Variants in TRIP10 observed in about 807,000 individuals in gnomAD.
The protein encoded by TRIP10 is cdc42-interacting protein 4.
TRIP10 carries 54 observed loss-of-function variants against 80.9 expected under a neutral mutation model. The ratio of observed to expected loss-of-function variants is 0.67; its 90% confidence interval spans 0.54 to 0.84. The LOEUF is 0.84. TRIP10 is among the 40% of genes least tolerant of loss of function. TRIP10 has a pLI of 0.00. For missense variants in TRIP10, 773 were observed against 815.3 expected, an observed-to-expected ratio of 0.95 and a Z score of 0.63; for synonymous variants, 321 against 307.2, an observed-to-expected ratio of 1.04 and a Z score of -0.47.
At position 6,746,395 on chromosome 19, in the gene TRIP10, A is replaced by T. The variant is rs1969133970; in HGVS notation, c.1153-57A>T. ...GGAGTGAAATATCTCAGACGGGTGCAGAGTCTGGCAGGCTAGACTCCTTGA... is the reference window on the plus strand; with the variant it reads ...GGAGTGAAATATCTCAGACGGGTGCTGAGTCTGGCAGGCTAGACTCCTTGA... On this transcript the variant is annotated intron_variant, in intron 10 of 14. Coordinates refer to ENST00000313244, the MANE Select transcript of TRIP10 (RefSeq NM_001288962.2). This position sits in a 1 kb window ranked among gnomAD's most constrained non-coding sequence, Gnocchi z 6.2. 1 of 1,586,282 alleles carries T rather than the reference A, an allele frequency of 6.3e-7. No homozygotes were observed. Among genetic ancestry groups the T allele is most frequent in the African/African-American group, 1.3e-5 (1 of 74,508 alleles).
Position 6,743,221 on chromosome 19 carries a change from C to T in TRIP10, c.373C>T (p.Gln125Ter), listed in dbSNP as rs374874945. Residue 125 changes from glutamine (Q) to a stop codon, truncating the protein, a stop_gained, in exon 5 of 15, where the codon CAG becomes TAG. Transcript: ENST00000313244. LOFTEE classifies it high-confidence loss of function. ...MHFQEGRRAQ[Q>*]QLENGFKQLE... The stretch of plus-strand genomic sequence containing the variant: ...CTTCCAAGAAGGGCGGCGGGCCCAG[C>T]AGCAGCTGGAAAATGGCTTTAAACA... 5 of 1,613,938 alleles carry T rather than the reference C, an allele frequency of 3.1e-6. No individual in the cohort carries two copies. Among genetic ancestry groups the T allele is most frequent in the Non-Finnish European group, 3.4e-6 (4 of 1,180,032 alleles).
Position 6,744,615 on chromosome 19 carries a change from C to A in TRIP10, c.704C>A (p.Ser235Ter). 2 of 1,613,886 alleles carry A rather than the reference C, an allele frequency of 1.2e-6. No individual in the cohort carries two copies. Among genetic ancestry groups the A allele is most frequent in the Non-Finnish European group, 1.7e-6 (2 of 1,179,898 alleles). The change falls in exon 8 of 15, where the codon TCG becomes TAG. Residue 235 changes from serine to a stop codon, truncating the protein, a stop_gained. Transcript: ENST00000313244. LOFTEE classifies it high-confidence loss of function. The surrounding 1 kb of genome is among the most constrained non-coding windows in gnomAD (Gnocchi z 4.9). ...CTGGGTGCCGGGTATGGGCTCCTGT[C>A]GGAGGCCGAGCTGGAGGTGGTGCCC... ...TRLGAGYGLL[S>*]EAELEVVPII...
chr19:6,747,360 T>C (rs1222208248), intron 11 of TRIP10, among the ~76,000 whole-genome samples: 2 of 152,122 alleles, frequency 1.3e-5, no homozygotes, highest in African/African-American at 4.8e-5. Context: ...TCTTGTCTTA[T>C]ACAAGTCATT....
At chr19:6,741,371 C>G in intron 3 of TRIP10, 90 bp downstream of exon 3, 1 of 1,434,452 alleles carries the variant, frequency 7.0e-7, no homozygotes, top group East Asian at 2.5e-5. Flanking sequence ...GACACCCCAC[C>G]GCTCCTCTCA....
Position 6,746,605 on chromosome 19 carries a change from A to G in TRIP10, c.1262+44A>G. 2.8e-6 allele frequency: 4 copies of G among 1,406,800 alleles called. No homozygotes were observed. The highest frequency in any genetic ancestry group is 4.0e-6 in the Non-Finnish European group (4 of 1,000,106). 87.1% of individuals were successfully genotyped at this position (1,406,800 alleles called of 1,614,324 possible). A position where few individuals can be genotyped will look rare whatever the true frequency, so the allele number is the denominator to read the frequency against. The stretch of plus-strand genomic sequence containing the variant: ...GAAGGACAGGCAAGGAACATGATAA[A>G]ATAGTAAATGAACTTCACTTATTTG... On this transcript the variant is annotated intron_variant, in intron 11 of 14. Coordinates refer to ENST00000313244, the MANE Select transcript of TRIP10 (RefSeq NM_001288962.2). This position sits in a 1 kb window ranked among gnomAD's most constrained non-coding sequence, Gnocchi z 6.2.
rs143083328 is a variant in TRIP10 at position 6,744,472 on chromosome 19, C to T, written c.643-82C>T. 1.3e-5 allele frequency: 21 copies of T among 1,583,788 alleles called. No homozygotes were observed. The highest frequency in any genetic ancestry group is 2.2e-5 in the East Asian group (1 of 44,758). On this transcript the variant is annotated intron_variant, in intron 7 of 14. Coordinates refer to ENST00000313244, the MANE Select transcript of TRIP10 (RefSeq NM_001288962.2). The surrounding 1 kb of genome is among the most constrained non-coding windows in gnomAD (Gnocchi z 4.9). ...TTGGGGCTGGGGCCAGCGTGGAGCG[C>T]GATCATATTTGCAGAGTGAATCACT...
rs1201620297 is a variant in TRIP10, at chr19:6,741,259, G to T, written c.175G>T (p.Ala59Ser). 5 of 1,610,956 alleles carry T rather than the reference G, an allele frequency of 3.1e-6. No homozygotes were observed. Among genetic ancestry groups the T allele is most frequent in the Non-Finnish European group, 4.2e-6 (5 of 1,178,524 alleles). Residue 59 changes from alanine (A) to serine (S), a missense_variant, in exon 3 of 15, where the codon GCC (alanine) becomes TCC (serine). Coordinates refer to ENST00000313244, the MANE Select transcript of TRIP10 (RefSeq NM_001288962.2). ...LVKKYLPKRP[A>S]KDDPESKFSQ... is the part of the protein sequence containing the mutation. Reference sequence around the variant, plus strand: ...GAAAAAATATCTGCCCAAGAGACCTGCCAAGGATGATCCTGAGTCCAAGTA... The same window carrying T: ...GAAAAAATATCTGCCCAAGAGACCTTCCAAGGATGATCCTGAGTCCAAGTA...
intron 4 of TRIP10, 30 bp from the exon 5 acceptor site, chr19:6,743,164 T>A (rs1416750921): frequency 6.2e-7 from 1 of 1,613,992 alleles, no homozygotes; most frequent in African/African-American, 1.3e-5. Context: ...GCTGGAACCC[T>A]GGCGAGCCTT....
At position 6,746,208 on chromosome 19, in the gene TRIP10, C is replaced by T. The variant is rs1338855208; in HGVS notation, c.1152+12C>T. On this transcript the variant is annotated intron_variant, in intron 10 of 14. Transcript: ENST00000313244. This position sits in a 1 kb window ranked among gnomAD's most constrained non-coding sequence, Gnocchi z 6.2. The stretch of plus-strand genomic sequence containing the variant: ...GAGGCAGCCGTGGGGTAAGTGAGGC[C>T]TCGGGGCAGGAGGAGGTGGTGGCCC... 2.3e-5 allele frequency: 35 copies of T among 1,517,900 alleles called. No homozygotes were observed. Among genetic ancestry groups the T allele is most frequent in the Non-Finnish European group, 2.9e-5 (33 of 1,127,394 alleles). The allele number at this position is 1,517,900 out of a possible 1,614,324, so 94.0% of individuals were successfully genotyped here. A position where few individuals can be genotyped will look rare whatever the true frequency, so the allele number is the denominator to read the frequency against.
intron 3 of TRIP10, 59 bp downstream of exon 3, chr19:6,741,340 C>T: frequency 6.4e-7 from 1 of 1,552,498 alleles, no homozygotes; most frequent in African/African-American, 1.4e-5. Context: ...GCTTGGGTCT[C>T]ACTTCCCCTC....
chr19:6,744,797 C>A lies in TRIP10; in HGVS notation c.790-3C>A. 2 of 1,611,604 alleles carry A rather than the reference C, an allele frequency of 1.2e-6. No individual in the cohort carries two copies. The highest frequency in any genetic ancestry group is 2.2e-5 in the South Asian group (2 of 90,684). ...CTGCTCATCCACTGTCCCCCTCCCC[C>A]AGGACTCCCACGTCCTTATAGAGCT... On this transcript the variant is annotated splice_polypyrimidine_tract_variant and splice_region_variant and intron_variant, in intron 8 of 14. Coordinates refer to ENST00000313244, the MANE Select transcript of TRIP10 (RefSeq NM_001288962.2). This position sits in a 1 kb window ranked among gnomAD's most constrained non-coding sequence, Gnocchi z 4.9.
Position 6,744,749 on chromosome 19 carries a change from G to A in TRIP10, c.789+49G>A, listed in dbSNP as rs1432522592. 6.3e-7 allele frequency: 1 copy of A among 1,593,002 alleles called. No individual in the cohort carries two copies. Among genetic ancestry groups the A allele is most frequent in the Non-Finnish European group, 8.6e-7 (1 of 1,168,418 alleles). On this transcript the variant is annotated intron_variant, in intron 8 of 14. Transcript: ENST00000313244. The surrounding 1 kb of genome is among the most constrained non-coding windows in gnomAD (Gnocchi z 4.9). ...TGGGCTACGGGAAGGGCAGAGGGAG[G>A]TACCCATAGGCTAGGCACTCGACTG...
chr19:6,745,780 TCCTCC>T lies in TRIP10; in HGVS notation c.985-246_985-242del. ...TGGCTTTCGGGCTTACAGTTCAACA[TCCTCC>T]CCGCCACCTTCCAGATTTTTTTGTG... On this transcript the variant is annotated intron_variant, in intron 9 of 14. Coordinates refer to ENST00000313244, the MANE Select transcript of TRIP10 (RefSeq NM_001288962.2). This position sits in a 1 kb window ranked among gnomAD's most constrained non-coding sequence, Gnocchi z 7.2. The T allele has an allele frequency of 1.0e-6, 1 of 985,292 alleles. No individual in the cohort carries two copies. Among genetic ancestry groups the T allele is most frequent in the Non-Finnish European group, 1.2e-6 (1 of 829,914 alleles). 61.0% of individuals were successfully genotyped at this position (985,292 alleles called of 1,614,324 possible).
chr19:6,744,731 C>T lies in TRIP10; in HGVS notation c.789+31C>T, dbSNP rs749183731. ...TGCCTGGTCTGGGTCCACTGGGCTA[C>T]GGGAAGGGCAGAGGGAGGTACCCAT... On this transcript the variant is annotated intron_variant, in intron 8 of 14. Transcript: ENST00000313244. This position sits in a 1 kb window ranked among gnomAD's most constrained non-coding sequence, Gnocchi z 4.9. The T allele has an allele frequency of 7.1e-5, 113 of 1,590,904 alleles. No homozygotes were observed. The highest frequency in any genetic ancestry group is 4.0e-4 in the East Asian group (18 of 44,684).
chr19:6,741,062 A>G lies in TRIP10; in HGVS notation c.77A>G (p.Asp26Gly). 1 of 1,613,948 alleles carries G rather than the reference A, an allele frequency of 6.2e-7. No individual in the cohort carries two copies. Among genetic ancestry groups the G allele is most frequent in the Non-Finnish European group, 8.5e-7 (1 of 1,179,876 alleles). Residue 26 changes from aspartate to glycine, a missense_variant, in exon 2 of 15, where the codon GAC (aspartate) becomes GGC (glycine). Asp to Gly is a moderately conservative substitution (Grantham distance 94). Transcript: ENST00000313244. ...RHTQWGLDLL[D>G]RYVKFVKERT... ...ACGCAGTGGGGGCTGGACCTGTTGG[A>G]CAGATATGTAAAGTTCGTGAAAGAA...
chr19:6,749,768 T>G (rs529174992), intron 11 of TRIP10, among the ~76,000 whole-genome samples, 166 bp from the exon 12 acceptor site: 1 of 152,192 alleles, frequency 6.6e-6, no homozygotes, highest in South Asian at 2.1e-4. Flanking sequence ...GGAGTATCAC[T>G]TGAGCCCGGG....
rs893609218 is a variant in TRIP10, at chr19:6,746,107, G to A, written c.1063G>A (p.Gly355Ser). ...LPNGPPSPRS[G>S]RDPLAILSEI... ...TAACGGACCCCCGTCCCCCCGCTCC[G>A]GCCGTGACCCCTTGGCCATACTGAG... Residue 355 changes from glycine to serine, a missense_variant, in exon 10 of 15, where the codon GGC becomes AGC. Physicochemically the swap from Gly to Ser is moderately conservative, Grantham distance 56. Transcript: ENST00000313244. This position sits in a 1 kb window ranked among gnomAD's most constrained non-coding sequence, Gnocchi z 6.2. The A allele has an allele frequency of 4.4e-5, 63 of 1,420,618 alleles. No individual in the cohort carries two copies. In the Admixed American group the frequency reaches 7.6e-4, roughly 17 times the overall value. The allele number at this position is 1,420,618 out of a possible 1,614,324, so 88.0% of individuals were successfully genotyped here.
intron 5 of TRIP10, 95 bp from the exon 6 acceptor site, chr19:6,743,399 C>A (rs1430658487): frequency 1.3e-6 from 2 of 1,533,056 alleles, no homozygotes; most frequent in Non-Finnish European, 1.8e-6. Flanking sequence ...CCCCTACTTA[C>A]TGGATGACAT....
At position 6,746,013 on chromosome 19, in the gene TRIP10, C is replaced by G; in HGVS notation, c.985-16C>G. 9.8e-7 allele frequency: 1 copy of G among 1,017,634 alleles called. No homozygotes were observed. The highest frequency in any genetic ancestry group is 1.3e-6 in the Non-Finnish European group (1 of 777,894). 63.0% of individuals were successfully genotyped at this position (1,017,634 alleles called of 1,614,324 possible). ...CACCCCTTCAACCTATCCCCCTCCC[C>G]GGCCCCCGCCGGTAGCCTCGCCCCC... On this transcript the variant is annotated splice_polypyrimidine_tract_variant and intron_variant, in intron 9 of 14. Coordinates refer to ENST00000313244, the MANE Select transcript of TRIP10 (RefSeq NM_001288962.2). This position sits in a 1 kb window ranked among gnomAD's most constrained non-coding sequence, Gnocchi z 6.2.
Sources: allele counts gnomAD v4.1 joint callset (sites outside exome capture counted in the v4.1 genomes callset), GRCh38; gene constraint gnomAD v4.1.1; non-coding constraint Gnocchi (gnomAD v3.1); transcripts MANE v1.5; gene names NCBI Gene and HGNC (gene_info 2026-07-23, HGNC 2026-07-21).